MMP26: variants seen among roughly 807,000 people sequenced by gnomAD.
MMP26 encodes matrix metalloproteinase-26.
A neutral mutation model predicts 31.0 loss-of-function variants in MMP26; 33 were observed. That is an observed-to-expected ratio of 1.06 (90% CI 0.81 to 1.42). MMP26 has a LOEUF of 1.42. Among genes scored for constraint, MMP26 ranks in the 40% most tolerant of loss-of-function variants. The probability of loss-of-function intolerance (pLI) is 0.00; values close to 1 mark genes in which losing one functional copy is unlikely to be tolerated. For synonymous variants in MMP26, 122 were observed against 114.9 expected, an observed-to-expected ratio of 1.06 and a Z score of -0.40; for missense variants, 347 against 316.1, an observed-to-expected ratio of 1.10 and a Z score of -0.74.
intron 5 of MMP26, among the ~76,000 whole-genome samples, chr11:4,990,995 C>T (rs187066891): frequency 8.5e-5 from 13 of 152,254 alleles, no homozygotes; most frequent in East Asian, 5.8e-4. Context: ...TCCAAAAAGA[C>T]GATGCATAGC....
intron 1 of MMP26, among the ~76,000 whole-genome samples, chr11:4,716,650 C>CCTT (rs1847933896): frequency 1.5e-5 from 1 of 65,004 alleles, no homozygotes; most frequent in Non-Finnish European, 2.6e-5. Flanking sequence ...TCTCTTACCT[C>CCTT]TTTTTTTTTT....
At chr11:4,915,818 G>T in intron 2 of MMP26, 2 of 523,460 alleles carry the variant, frequency 3.8e-6, no homozygotes, top group East Asian at 2.9e-5. Context: ...ATGTCTTTCT[G>T]GTCCTTGACT....
intron 2 of MMP26, chr11:4,908,836 A>T (rs928397069): frequency 1.2e-5 from 2 of 162,620 alleles, no homozygotes; most frequent in African/African-American, 4.8e-5. Context: ...TGGAATGCCA[A>T]TTTCTTCTCT....
chr11:4,960,890 A>G lies in MMP26; in HGVS notation c.-144-27178A>G, dbSNP rs148238760. On this transcript the variant is annotated intron_variant, in intron 2 of 7. Coordinates refer to ENST00000380390, the MANE Select transcript of MMP26 (RefSeq NM_021801.5). ...AATGCAAAGGCATATATTAACAACA[A>G]TCACAGGGGTATAATAGTTACTGAG... Among the ~76,000 whole-genome samples, 1,080 of 152,306 alleles carry G rather than the reference A, an allele frequency of 7.1e-3. 47 individuals are homozygous for G. Among genetic ancestry groups the G allele is most frequent in the Admixed American group, 0.066 (1,005 of 15,300 alleles).
rs1848030652 is a variant in MMP26 at position 4,722,677 on chromosome 11, C to G, written c.-217+17632C>G. 2.7e-5 allele frequency: 19 copies of G among 712,354 alleles called. No homozygotes were observed. In the South Asian group the frequency reaches 2.9e-4, roughly 11 times the overall value. The allele number at this position is 712,354 out of a possible 1,614,324, so 44.1% of individuals were successfully genotyped here. A position where few individuals can be genotyped will look rare whatever the true frequency, so the allele number is the denominator to read the frequency against. On this transcript the variant is annotated intron_variant, in intron 1 of 7. Transcript: ENST00000380390. ...TGTGCTACCCTGCACAGTGGCCTCC[C>G]TCCTGTGCTTTCCCGCAGCCGCAGG...
At chr11:4,865,892 A>G (rs924988898) in intron 2 of MMP26, among the ~76,000 whole-genome samples, 1 of 152,162 alleles carries the variant, frequency 6.6e-6, no homozygotes, top group Non-Finnish European at 1.5e-5. Context: ...ATTGTTACAG[A>G]AGGGTTCTCC....
At chr11:4,882,613 A>G in intron 2 of MMP26, 1 of 1,613,936 alleles carries the variant, frequency 6.2e-7, no homozygotes, top group Non-Finnish European at 8.5e-7. Flanking sequence ...AGCAACAAAA[A>G]GCTCTCAGCA....
At chr11:4,974,523 T>G (rs1223330476) in intron 2 of MMP26, among the ~76,000 whole-genome samples, 1 of 152,112 alleles carries the variant, frequency 6.6e-6, no homozygotes, top group African/African-American at 2.4e-5. Flanking sequence ...ATTGCTATTC[T>G]TTACAGAATC....
At chr11:4,983,185 C>G (rs538656561) in intron 2 of MMP26, among the ~76,000 whole-genome samples, 2 of 152,298 alleles carry the variant, frequency 1.3e-5, no homozygotes, top group South Asian at 2.1e-4. Context: ...ATGATGATCA[C>G]TAAATGACTG....
intron 2 of MMP26, among the ~76,000 whole-genome samples, chr11:4,768,085 A>ATCGC (rs373498626): frequency 1.9e-5 from 2 of 103,688 alleles, no homozygotes; most frequent in African/African-American, 6.5e-5. Flanking sequence ...AAACTGTGAA[A>ATCGC]ACTATGGAAA....
chr11:4,992,123 A>G lies in MMP26; in HGVS notation c.755A>G (p.Tyr252Cys), dbSNP rs1200097029. The G allele has an allele frequency of 1.6e-5, 26 of 1,613,002 alleles. No homozygotes were observed. Among genetic ancestry groups the G allele is most frequent in the East Asian group, 1.1e-4 (5 of 44,858 alleles). ...GATATCCAAAGGATCCAGCATTTGT[A>G]TGGTCTGTGCTGCTTAAGGAAGAGA... ...ADDIQRIQHL[Y>C]GEKCSSDIP Residue 252 changes from tyrosine (Y) to cysteine (C), a missense_variant and splice_region_variant, in exon 7 of 8, where the codon TAT becomes TGT. Physicochemically the swap from Tyr to Cys is radical, Grantham distance 194. Coordinates refer to ENST00000380390, the MANE Select transcript of MMP26 (RefSeq NM_021801.5).
At chr11:4,843,686 C>T (rs1849827782) in intron 2 of MMP26, among the ~76,000 whole-genome samples, 1 of 152,210 alleles carries the variant, frequency 6.6e-6, no homozygotes, top group African/African-American at 2.4e-5. Context: ...AGACATTTTC[C>T]CCATTGTGGT....
At chr11:4,958,123 T>C (rs1016864895) in intron 2 of MMP26, among the ~76,000 whole-genome samples, 18 of 152,138 alleles carry the variant, frequency 1.2e-4, no homozygotes, top group African/African-American at 4.3e-4. Flanking sequence ...GCTCCTTCAC[T>C]AGATGGAACA....
chr11:4,778,782 A>G (rs1848821884), intron 2 of MMP26, among the ~76,000 whole-genome samples: 1 of 152,090 alleles, frequency 6.6e-6, no homozygotes, highest in Non-Finnish European at 1.5e-5. Context: ...CTGATGATTA[A>G]TAGTTTTTTC....
rs534330376 is a variant in MMP26 at position 4,769,016 on chromosome 11, A to G, written c.-145+1675A>G. 30 of 1,520,112 alleles carry G rather than the reference A, an allele frequency of 2.0e-5. 1 individual carries two copies. In the South Asian group the frequency reaches 3.7e-4, roughly 19 times the overall value. The allele number at this position is 1,520,112 out of a possible 1,614,324, so 94.2% of individuals were successfully genotyped here. ...CAGCAGACTGAGCATAGCCTTGCGG[A>G]TTTGTTTTGTTTTTACACTGTCGAT... On this transcript the variant is annotated intron_variant, in intron 2 of 7. Coordinates refer to ENST00000380390, the MANE Select transcript of MMP26 (RefSeq NM_021801.5).
chr11:4,870,026 A>T (rs1850290026), intron 2 of MMP26, among the ~76,000 whole-genome samples: 1 of 152,130 alleles, frequency 6.6e-6, no homozygotes, highest in Non-Finnish European at 1.5e-5. Context: ...GAACAATGAG[A>T]ACACTTGGAC....
At chr11:4,913,698 A>T (rs1361798347) in intron 2 of MMP26, 1 of 152,174 alleles carries the variant, frequency 6.6e-6, no homozygotes, top group Non-Finnish European at 1.5e-5. Flanking sequence ...AACCTTCCTG[A>T]CATTCTAGAG....
chr11:4,732,644 C>G (rs1848188843), intron 1 of MMP26, among the ~76,000 whole-genome samples: 1 of 152,048 alleles, frequency 6.6e-6, no homozygotes, highest in Middle Eastern at 3.4e-3. Context: ...CAGCCCTGAG[C>G]AATCACTAAT....
rs777426845 is a variant in MMP26 at position 4,769,900 on chromosome 11, G to A, written c.-145+2559G>A. On this transcript the variant is annotated intron_variant, in intron 2 of 7. Coordinates refer to ENST00000380390, the MANE Select transcript of MMP26 (RefSeq NM_021801.5). ...AGAAGGTTGGAAATTTAGATGTTGA[G>A]TTGCTTAGGATTTCCATGGTGTCCT... is the stretch of plus-strand genomic sequence containing the variant. 4 of 1,604,490 alleles carry A rather than the reference G, an allele frequency of 2.5e-6. No homozygotes were observed. The Admixed American group carries it at 6.7e-5, about 27-fold the overall frequency.
Sources: allele counts gnomAD v4.1 joint callset (sites outside exome capture counted in the v4.1 genomes callset), GRCh38; gene constraint gnomAD v4.1.1; transcripts MANE v1.5; gene names NCBI Gene and HGNC (gene_info 2026-07-23, HGNC 2026-07-21).